Variants in PCDH15 observed in about 807,000 individuals in gnomAD.
PCDH15 encodes protocadherin related 15.
In PCDH15, 129 loss-of-function variants were observed where a neutral mutation model predicts 178.5. That is an observed-to-expected ratio of 0.72 (90% confidence interval 0.63 to 0.84). PCDH15 has a LOEUF of 0.84. Among genes scored for constraint, PCDH15 ranks in the 40% least tolerant of loss-of-function variants. PCDH15 has a pLI of 0.00. For missense variants in PCDH15, 2,230 were observed against 2,099.9 expected (o/e 1.06, Z -1.21); for synonymous variants, 800 against 732.0 (o/e 1.09, Z -1.50).
chr10:54,810,936 C>A (rs1488311134), intron 3 of PCDH15, among the ~76,000 whole-genome samples: 1 of 151,964 alleles, frequency 6.6e-6, no homozygotes, highest in African/African-American at 2.4e-5. Context: ...TAGTATTATT[C>A]TTCATAATAC....
intron 2 of PCDH15, among the ~76,000 whole-genome samples, chr10:54,559,372 A>G (rs999391320): frequency 6.6e-6 from 1 of 152,064 alleles, no homozygotes; most frequent in Non-Finnish European, 1.5e-5. Flanking sequence ...GCTTGGCTAT[A>G]TTAATCCAGG....
chr10:54,522,906 T>G (rs2083019814), intron 3 of PCDH15, among the ~76,000 whole-genome samples: 1 of 152,178 alleles, frequency 6.6e-6, no homozygotes, highest in Non-Finnish European at 1.5e-5. Flanking sequence ...GGAGAATAAT[T>G]TTAATACTAA....
chr10:54,714,289 A>T (rs2095454949), intron 1 of PCDH15, among the ~76,000 whole-genome samples: 1 of 152,078 alleles, frequency 6.6e-6, no homozygotes, highest in Non-Finnish European at 1.5e-5. Context: ...GTCGCAACTA[A>T]AAGTTAGCCT....
chr10:55,244,382 AAC>A (rs1460591467), intron 1 of PCDH15, among the ~76,000 whole-genome samples: 1 of 152,136 alleles, frequency 6.6e-6, no homozygotes, highest in African/African-American at 2.4e-5. Flanking sequence ...AATAGAAGAA[AAC>A]AGTTTCCCCT....
intron 1 of PCDH15, among the ~76,000 whole-genome samples, chr10:55,203,717 T>C (rs1840315621): frequency 6.6e-6 from 1 of 152,248 alleles, no homozygotes; most frequent in South Asian, 2.1e-4. Context: ...CTAAGTAGAT[T>C]GGACATTTCC....
At position 53,964,380 on chromosome 10, in the gene PCDH15, ATTTATAAATTTTATTTATTCATAAAATT is replaced by A. The variant is rs56788445; in HGVS notation, c.2869-2516_2869-2489del. Among the ~76,000 whole-genome samples, 318 of 117,920 alleles carry A rather than the reference ATTTATAAATTTTATTTATTCATAAAATT, an allele frequency of 2.7e-3. 1 individual carries two copies. The highest frequency in any genetic ancestry group is 5.9e-3 in the African/African-American group (180 of 30,704). The allele number at this position is 117,920 out of a possible 152,430, so 77.4% of individuals were successfully genotyped here. On this transcript the variant is annotated intron_variant, in intron 21 of 37. Coordinates refer to ENST00000644397, the MANE Select transcript of PCDH15 (RefSeq NM_001384140.1). ...TAATTTTTTATTTATAAAAAAATTT[ATTTATAAATTTTATTTATTCATAAAATT>A]TTTATAAATTTTATTTATTCATAAA... is the stretch of plus-strand genomic sequence containing the variant.
At chr10:54,073,111 T>A (rs1348270430) in intron 17 of PCDH15, among the ~76,000 whole-genome samples, 1 of 151,962 alleles carries the variant, frequency 6.6e-6, no homozygotes, top group East Asian at 1.9e-4. Flanking sequence ...GAGTGTAGTG[T>A]GTAAAGATTA....
chr10:54,797,054 T>C (rs577238409), intron 1 of PCDH15, among the ~76,000 whole-genome samples: 3 of 152,160 alleles, frequency 2.0e-5, no homozygotes, highest in African/African-American at 4.8e-5. Flanking sequence ...TTTTGAATGA[T>C]GCACTTCATT....
At chr10:54,061,385 A>T (rs1484154954) in intron 18 of PCDH15, among the ~76,000 whole-genome samples, 1 of 152,106 alleles carries the variant, frequency 6.6e-6, no homozygotes, top group Non-Finnish European at 1.5e-5. Flanking sequence ...ATCTGAACTC[A>T]ATGTATTTTT....
chr10:53,889,255 G>A (rs2081389304), intron 26 of PCDH15, among the ~76,000 whole-genome samples: 1 of 151,900 alleles, frequency 6.6e-6, no homozygotes, highest in Admixed American at 6.6e-5. Context: ...ATAAAAAATA[G>A]GGTGAAAATG....
chr10:54,252,658 A>G (rs1447154324), intron 8 of PCDH15, among the ~76,000 whole-genome samples: 1 of 152,200 alleles, frequency 6.6e-6, no homozygotes, highest in East Asian at 1.9e-4. Context: ...TTATGTAAAT[A>G]TATCTTTCTA....
At chr10:55,195,047 G>A (rs973153308) in intron 1 of PCDH15, among the ~76,000 whole-genome samples, 1 of 147,424 alleles carries the variant, frequency 6.8e-6, no homozygotes. Context: ...TTTTGGAGAC[G>A]GAGTCTTGCT....
At chr10:54,266,069 A>C (rs1057488779) in intron 8 of PCDH15, among the ~76,000 whole-genome samples, 3 of 151,930 alleles carry the variant, frequency 2.0e-5, no homozygotes, top group Non-Finnish European at 2.9e-5. Flanking sequence ...ATATTAAATA[A>C]TACCAAGCAT....
At chr10:54,946,377 G>C (rs1182211046) in intron 2 of PCDH15, among the ~76,000 whole-genome samples, 1 of 151,772 alleles carries the variant, frequency 6.6e-6, no homozygotes, top group South Asian at 2.1e-4. Flanking sequence ...CCTTAACTGT[G>C]CTCCTTGGGT....
intron 25 of PCDH15, among the ~76,000 whole-genome samples, chr10:53,912,851 A>C (rs2083215348): frequency 1.3e-5 from 2 of 152,224 alleles, no homozygotes; most frequent in Non-Finnish European, 2.9e-5. Context: ...AATATTGTGA[A>C]AATGGCCATA....
intron 1 of PCDH15, among the ~76,000 whole-genome samples, chr10:55,212,105 C>G (rs1840585947): frequency 1.3e-5 from 2 of 151,994 alleles, no homozygotes; most frequent in Admixed American, 1.3e-4. Flanking sequence ...TTTGTTGTTA[C>G]CACATGCACA....
intron 2 of PCDH15, among the ~76,000 whole-genome samples, chr10:54,910,872 A>T (rs1034394963): frequency 6.6e-6 from 1 of 152,208 alleles, no homozygotes; most frequent in Non-Finnish European, 1.5e-5. Context: ...GGACTGCATC[A>T]TGTGGTCAGG....
At chr10:54,654,360 A>T (rs1423708507) in intron 2 of PCDH15, among the ~76,000 whole-genome samples, 1 of 150,982 alleles carries the variant, frequency 6.6e-6, no homozygotes, top group East Asian at 1.9e-4. Context: ...AAAAAGTACT[A>T]TGTTCACCAG....
intron 8 of PCDH15, among the ~76,000 whole-genome samples, chr10:54,240,396 T>C (rs554868624): frequency 6.6e-6 from 1 of 151,506 alleles, no homozygotes; most frequent in East Asian, 1.9e-4. Context: ...ATAAAAGAAA[T>C]AGTCTTTGAT....
Sources: gnomAD v4.1 joint callset for allele counts (sites outside exome capture counted in the v4.1 genomes callset) on GRCh38, gnomAD v4.1.1 for gene constraint, MANE v1.5 for transcripts, NCBI Gene and HGNC (gene_info 2026-07-23, HGNC 2026-07-21) for gene names.